Variants in PSG3 observed in about 807,000 individuals in gnomAD.
PSG3 encodes pregnancy-specific beta-1-glycoprotein 3.
PSG3 carries 61 observed loss-of-function variants against 47.5 expected under a neutral mutation model. The ratio of observed to expected loss-of-function variants is 1.28; its 90% CI spans 1.05 to 1.59. The LOEUF (loss-of-function observed/expected upper bound fraction) is 1.59. Ranked by LOEUF, PSG3 falls within the 40% of genes most tolerant of loss-of-function variation. PSG3 has a pLI of 0.00. For missense variants in PSG3, 756 were observed against 524.0 expected, an observed-to-expected ratio of 1.44 and a Z score of -4.32; for synonymous variants, 263 against 198.4, an observed-to-expected ratio of 1.33 and a Z score of -2.74.
rs61257866 is a variant in PSG3 at position 42,726,865 on chromosome 19, A to C, written c.1243+2258T>G. Among the ~76,000 whole-genome samples the C allele has an allele frequency of 3.0e-3, 458 of 152,324 alleles. 3 individuals are homozygous for C. Among genetic ancestry groups the C allele is most frequent in the African/African-American group, 0.011 (445 of 41,574 alleles). ...GGAAGAATGAAGCTGGAGGACTCAC[A>C]CTTCCTGATTTCAGCATTTACTACA... On this transcript the variant is annotated intron_variant, in intron 5 of 6. Transcript: ENST00000327495.
chr19:42,724,185 G>GC (rs1555818475), intron 5 of PSG3, among the ~76,000 whole-genome samples, 160 bp from the exon 6 acceptor site: 1 of 151,632 alleles, frequency 6.6e-6, no homozygotes, highest in African/African-American at 2.4e-5. Context: ...TATTCTTGCA[G>GC]TTTTTTTTTC....
At position 42,732,644 on chromosome 19, in the gene PSG3, G is replaced by T; in HGVS notation, c.709+140C>A. On this transcript the variant is annotated intron_variant, in intron 3 of 6. Coordinates refer to ENST00000327495, the MANE Select transcript of PSG3 (RefSeq NM_021016.4). ...GCCTAGGCCTACTCTGGTTTGCCTG[G>T]GGCAGAAAGTCATGGCCAGGTTTGA... is the stretch of plus-strand genomic sequence containing the variant. 4 of 1,589,244 alleles carry T rather than the reference G, an allele frequency of 2.5e-6. No homozygotes were observed. In the South Asian group the frequency reaches 3.4e-5, roughly 13 times the overall value.
chr19:42,731,785 G>A (rs1345797291), intron 3 of PSG3: 1 of 151,184 alleles, frequency 6.6e-6, no homozygotes, highest in Non-Finnish European at 1.5e-5. Context: ...TATTGATATC[G>A]TCTTTAACTT....
chr19:42,725,457 A>C (rs573005704), intron 5 of PSG3, among the ~76,000 whole-genome samples: 1 of 152,296 alleles, frequency 6.6e-6, no homozygotes, highest in African/African-American at 2.4e-5. Context: ...GAATAGAGGA[A>C]ATTAATGAAA....
At chr19:42,723,895 G>T in intron 6 of PSG3, 47 bp downstream of exon 6, 1 of 1,428,204 alleles carries the variant, frequency 7.0e-7, no homozygotes, top group Non-Finnish European at 9.9e-7. Context: ...TCCCAAGCAT[G>T]GCAGTTAGCC....
Position 42,723,909 on chromosome 19 carries a change from C to A in PSG3, c.*40+33G>T, listed in dbSNP as rs765294947. 47 of 1,501,332 alleles carry A rather than the reference C, an allele frequency of 3.1e-5. No homozygotes were observed. In the Admixed American group the frequency reaches 5.5e-4, roughly 18 times the overall value. 93.0% of individuals were successfully genotyped at this position (1,501,332 alleles called of 1,614,324 possible). A position where few individuals can be genotyped will look rare whatever the true frequency, so the allele number is the denominator to read the frequency against. On this transcript the variant is annotated intron_variant, in intron 6 of 6. Transcript: ENST00000327495. ...CTCCCAAGCATGGCAGTTAGCCCTG[C>A]AGGAACCAGGATAAGAGGAAAGGTC...
chr19:42,734,030 T>C (rs1969520470), intron 2 of PSG3: 1 of 152,170 alleles, frequency 6.6e-6, no homozygotes, highest in Non-Finnish European at 1.5e-5. Context: ...GATTCTGAAT[T>C]TGACTACTCT....
At chr19:42,724,561 G>T (rs1969345664) in intron 5 of PSG3, among the ~76,000 whole-genome samples, 1 of 152,144 alleles carries the variant, frequency 6.6e-6, no homozygotes, top group South Asian at 2.1e-4. Flanking sequence ...CTGGTTGGAG[G>T]ATTCCCCATC....
chr19:42,726,219 T>C (rs537699862), intron 5 of PSG3, among the ~76,000 whole-genome samples: 1 of 152,300 alleles, frequency 6.6e-6, no homozygotes, highest in East Asian at 1.9e-4. Context: ...AAGCTTTCCC[T>C]GTATGAGCAG....
rs532586059 is a variant in PSG3, at chr19:42,732,280, A to G, written c.709+504T>C. ...GGAACTTCCCATCAATCAGCCAAGA[A>G]TGCTCTGCCAGTGGGTGAGAGTCTG... On this transcript the variant is annotated intron_variant, in intron 3 of 6. Coordinates refer to ENST00000327495, the MANE Select transcript of PSG3 (RefSeq NM_021016.4). 1.3e-4 allele frequency: 24 copies of G among 179,068 alleles called. 1 individual carries two copies. The highest frequency in any genetic ancestry group is 4.5e-4 in the African/African-American group (19 of 42,338). The allele number at this position is 179,068 out of a possible 1,614,324, so 11.1% of individuals were successfully genotyped here.
chr19:42,732,569 G>A lies in PSG3; in HGVS notation c.709+215C>T, dbSNP rs1048698759. On this transcript the variant is annotated intron_variant, in intron 3 of 6. Coordinates refer to ENST00000327495, the MANE Select transcript of PSG3 (RefSeq NM_021016.4). ...GTTTTGCCCATCACAAGCTGTGGACGCTGAGTCTCCCATGACAGGAGCAGC... is the reference window on the plus strand; with the variant it reads ...GTTTTGCCCATCACAAGCTGTGGACACTGAGTCTCCCATGACAGGAGCAGC... 7.6e-4 allele frequency: 875 copies of A among 1,156,778 alleles called. 6 individuals carry two copies. Among genetic ancestry groups the A allele is most frequent in the South Asian group, 1.2e-3 (77 of 64,798 alleles). 71.7% of individuals were successfully genotyped at this position (1,156,778 alleles called of 1,614,324 possible).
At chr19:42,735,884 A>T (rs1400122109) in intron 2 of PSG3, among the ~76,000 whole-genome samples, 2 of 152,222 alleles carry the variant, frequency 1.3e-5, no homozygotes, top group East Asian at 3.9e-4. Context: ...AGGCCTGTCC[A>T]GCCTCTGACA....
intron 6 of PSG3, among the ~76,000 whole-genome samples, chr19:42,722,666 G>A (rs145910708): frequency 2.0e-5 from 3 of 152,032 alleles, no homozygotes; most frequent in African/African-American, 7.2e-5. Context: ...AAATAAAGTG[G>A]CTTTTCCATT....
At chr19:42,728,320 C>A (rs1018664708) in intron 5 of PSG3, among the ~76,000 whole-genome samples, 3 of 152,136 alleles carry the variant, frequency 2.0e-5, no homozygotes, top group Non-Finnish European at 4.4e-5. Flanking sequence ...TGGCACTGCC[C>A]CTTTCCTGCC....
chr19:42,740,274 C>G, intron 1 of PSG3, 47 bp downstream of exon 1: 2 of 1,613,772 alleles, frequency 1.2e-6, no homozygotes, highest in Non-Finnish European at 1.7e-6. Context: ...CCCATCCAGT[C>G]ACTCTGCTTC....
intron 5 of PSG3, 109 bp downstream of exon 5, chr19:42,729,014 G>A: frequency 1.3e-6 from 2 of 1,592,786 alleles, no homozygotes; most frequent in Non-Finnish European, 1.7e-6. Flanking sequence ...GGATTTGCTT[G>A]TGCCCATGGG....
At chr19:42,739,991 C>T (rs1179586350) in intron 1 of PSG3, among the ~76,000 whole-genome samples, 3 of 150,324 alleles carry the variant, frequency 2.0e-5, no homozygotes, top group East Asian at 2.0e-4. Flanking sequence ...CTTGTACTGT[C>T]GCCCAGGCTG....
intron 1 of PSG3, 67 bp from the exon 2 acceptor site, chr19:42,739,156 G>A: frequency 6.5e-7 from 1 of 1,527,304 alleles, no homozygotes; most frequent in South Asian, 1.3e-5. Flanking sequence ...ATGTGGCCCT[G>A]GGTCCTGAGA....
At chr19:42,723,761 T>G (rs1266396949) in intron 6 of PSG3, among the ~76,000 whole-genome samples, 181 bp downstream of exon 6, 1 of 151,950 alleles carries the variant, frequency 6.6e-6, no homozygotes, top group African/African-American at 2.4e-5. Context: ...TAAAAGACAG[T>G]GGGGTACAGG....
Sources: allele counts gnomAD v4.1 joint callset (sites outside exome capture counted in the v4.1 genomes callset), GRCh38; gene constraint gnomAD v4.1.1; transcripts MANE v1.5; gene names NCBI Gene and HGNC (gene_info 2026-07-23, HGNC 2026-07-21).